EXD2: variants seen among roughly 807,000 people sequenced by gnomAD.
The protein encoded by EXD2 is exonuclease 3'-5' domain-containing protein 2.
A neutral mutation model predicts 62.5 loss-of-function variants in EXD2; 40 were observed. The observed-to-expected ratio is 0.64, with a 90% CI of 0.50 to 0.83. The LOEUF is 0.83. Among genes scored for constraint, EXD2 ranks in the 40% least tolerant of loss-of-function variants. The pLI, the probability that EXD2 is intolerant of heterozygous loss-of-function variation, is 0.00. For missense variants in EXD2, 671 were observed against 761.8 expected (o/e 0.88, Z 1.40); for synonymous variants, 239 against 291.9 (o/e 0.82, Z 1.85).
rs1474022956 is a variant in EXD2 at position 69,242,641 on chromosome 14, G to A, written c.*1541G>A. 1 of 152,202 alleles carries A rather than the reference G, an allele frequency of 6.6e-6. No homozygotes were observed. Among genetic ancestry groups the A allele is most frequent in the Non-Finnish European group, 1.5e-5 (1 of 68,036 alleles). 9.4% of individuals were successfully genotyped at this position (152,202 alleles called of 1,614,324 possible). A position where few individuals can be genotyped will look rare whatever the true frequency, so the allele number is the denominator to read the frequency against. ...AACAAATAGTACCAGCCACTTTGAGGAATGTGCATTCACTGTAGTGGGTTA... is the reference window on the plus strand; with the variant it reads ...AACAAATAGTACCAGCCACTTTGAGAAATGTGCATTCACTGTAGTGGGTTA... On this transcript the variant is annotated 3_prime_UTR_variant, in exon 10 of 10. Transcript: ENST00000685843.
intron 4 of EXD2, among the ~76,000 whole-genome samples, chr14:69,229,680 T>C (rs1466496373): frequency 6.6e-6 from 1 of 152,230 alleles, no homozygotes; most frequent in Non-Finnish European, 1.5e-5. Flanking sequence ...TAGAATTTTA[T>C]TCCTATGGAA....
At chr14:69,212,517 TG>T (rs1358002371) in intron 3 of EXD2, among the ~76,000 whole-genome samples, 3 of 151,404 alleles carry the variant, frequency 2.0e-5, no homozygotes, top group East Asian at 3.9e-4. Flanking sequence ...TCTTCTTTAT[TG>T]TTTTTTTTTT....
intron 8 of EXD2, 100 bp from the exon 9 acceptor site, chr14:69,237,475 T>C (rs2043834921): frequency 9.4e-7 from 1 of 1,066,244 alleles, no homozygotes; most frequent in Non-Finnish European, 1.4e-6. Flanking sequence ...TTCTCAGTCA[T>C]GGTTAGGCCC....
rs2042546561 is a variant in EXD2, at chr14:69,205,154, A to G, written c.-48+1154A>G. Among the ~76,000 whole-genome samples, 8 of 152,204 alleles carry G rather than the reference A, an allele frequency of 5.3e-5. No homozygotes were observed. In the South Asian group the frequency reaches 1.7e-3, roughly 32 times the overall value. ...TTCATACATTCCAAATCTTTATTCC[A>G]TGAATATTGGAGTTTCTCAGTCCAT... On this transcript the variant is annotated intron_variant, in intron 2 of 9. Transcript: ENST00000685843.
chr14:69,199,987 C>T (rs965532514), intron 1 of EXD2, among the ~76,000 whole-genome samples: 7 of 152,260 alleles, frequency 4.6e-5, no homozygotes, highest in African/African-American at 1.7e-4. Context: ...GCTGTAGGTT[C>T]GTTAACTCCA....
chr14:69,240,243 C>T (rs1353489989), intron 9 of EXD2, among the ~76,000 whole-genome samples: 6 of 151,952 alleles, frequency 3.9e-5, no homozygotes, highest in South Asian at 4.2e-4. Flanking sequence ...CACACAGCAT[C>T]GGAGCAGTTT....
In EXD2 at chr14:69,243,429, G is replaced by A. The variant is rs192281273; in HGVS notation, c.*2329G>A. ...GGTGTATATTTACACAAAATTGAAG[G>A]TCATACATAGATACAGGTTGGTATC... On this transcript the variant is annotated 3_prime_UTR_variant, in exon 10 of 10. Transcript: ENST00000685843. 17 of 152,178 alleles carry A rather than the reference G, an allele frequency of 1.1e-4. No individual in the cohort carries two copies. In the East Asian group the frequency reaches 2.3e-3, roughly 21 times the overall value. 9.4% of individuals were successfully genotyped at this position (152,178 alleles called of 1,614,324 possible).
chr14:69,234,626 T>C, intron 5 of EXD2, 74 bp from the exon 6 acceptor site: 1 of 1,249,336 alleles, frequency 8.0e-7, no homozygotes. Context: ...TATCTATTTC[T>C]TTGTGATTGA....
chr14:69,194,520 T>C (rs2042135478), intron 1 of EXD2, among the ~76,000 whole-genome samples: 1 of 152,098 alleles, frequency 6.6e-6, no homozygotes, highest in Non-Finnish European at 1.5e-5. Flanking sequence ...TAATTTTTAT[T>C]TGTAGAGATA....
At chr14:69,212,699 A>ATTTTC (rs747694470) in intron 3 of EXD2, among the ~76,000 whole-genome samples, 4 of 57,322 alleles carry the variant, frequency 7.0e-5, no homozygotes, top group Non-Finnish European at 1.2e-4. Context: ...ATGGTTCTTG[A>ATTTTC]TTTTTTTTTT....
intron 3 of EXD2, among the ~76,000 whole-genome samples, chr14:69,220,121 G>A (rs1415541669): frequency 1.3e-5 from 2 of 151,672 alleles, no homozygotes; most frequent in East Asian, 3.9e-4. Context: ...TTATTGTGTT[G>A]AAATACATTG....
intron 3 of EXD2, among the ~76,000 whole-genome samples, chr14:69,216,558 G>T (rs1009732306): frequency 6.6e-6 from 1 of 152,098 alleles, no homozygotes; most frequent in Non-Finnish European, 1.5e-5. Context: ...CACCCGAGTA[G>T]CTGGGACAAT....
intron 1 of EXD2, among the ~76,000 whole-genome samples, chr14:69,199,987 C>G (rs965532514): frequency 6.6e-6 from 1 of 152,140 alleles, no homozygotes; most frequent in Non-Finnish European, 1.5e-5. Context: ...GCTGTAGGTT[C>G]GTTAACTCCA....
intron 1 of EXD2, among the ~76,000 whole-genome samples, chr14:69,199,966 C>T (rs144521421): frequency 1.3e-3 from 192 of 151,712 alleles, no homozygotes; most frequent in Middle Eastern, 3.4e-3. Context: ...TACTTTTATA[C>T]GACTGGCTGT....
intron 5 of EXD2, among the ~76,000 whole-genome samples, chr14:69,232,956 C>T (rs756781350): frequency 1.2e-4 from 18 of 152,086 alleles, no homozygotes; most frequent in Non-Finnish European, 2.5e-4. Flanking sequence ...ATTGCCTCAC[C>T]CAAGGTCATG....
At chr14:69,231,843 C>T (rs1366116877) in intron 5 of EXD2, among the ~76,000 whole-genome samples, 2 of 136,592 alleles carry the variant, frequency 1.5e-5, no homozygotes, top group East Asian at 4.4e-4. Flanking sequence ...AATTCCATGT[C>T]TTCTTCCTTT....
Position 69,228,854 on chromosome 14 carries a change from A to G in EXD2, c.372A>G (p.Leu124=). The G allele has an allele frequency of 2.5e-6, 4 of 1,614,014 alleles. No homozygotes were observed. The South Asian group carries it at 4.4e-5, about 18-fold the overall frequency. ...LEGKASPLSL[L]QMASPSGLCV... ...GCAAAGCCAGCCCTCTGTCACTTCT[A>G]CAAATGGCCTCCCCAAGTGGCCTGT... Residue 124 remains leucine, a synonymous_variant, in exon 4 of 10, where the codon CTA becomes CTG. Transcript: ENST00000685843.
In EXD2 at chr14:69,233,787, A is replaced by T. The variant is rs1304497828; in HGVS notation, c.718-913A>T. The stretch of plus-strand genomic sequence containing the variant: ...TACTTTTTTTTTTTTTTTTTTTGAG[A>T]TAGAGTCCTGTTCTGTCTCCTAGGC... On this transcript the variant is annotated intron_variant, in intron 5 of 9. Coordinates refer to ENST00000685843, the MANE Select transcript of EXD2 (RefSeq NM_001193360.2). Among the ~76,000 whole-genome samples the T allele has an allele frequency of 4.5e-5, 6 of 133,786 alleles. No individual in the cohort carries two copies. In the East Asian group the frequency reaches 1.3e-3, roughly 29 times the overall value. The allele number at this position is 133,786 out of a possible 152,430, so 87.8% of individuals were successfully genotyped here.
intron 1 of EXD2, among the ~76,000 whole-genome samples, chr14:69,202,071 G>A (rs556262806): frequency 6.6e-6 from 1 of 152,066 alleles, no homozygotes; most frequent in Non-Finnish European, 1.5e-5. Context: ...TGGGCAGATC[G>A]CTTGAGCTCA....
Sources: gnomAD v4.1 joint callset for allele counts (sites outside exome capture counted in the v4.1 genomes callset) on GRCh38, gnomAD v4.1.1 for gene constraint, MANE v1.5 for transcripts, NCBI Gene and HGNC (gene_info 2026-07-23, HGNC 2026-07-21) for gene names.